HIBCH: variants seen among roughly 807,000 people sequenced by gnomAD.
HIBCH encodes 3-hydroxyisobutyryl-CoA hydrolase.
A neutral mutation model predicts 58.2 loss-of-function variants in HIBCH; 50 were observed. The ratio of observed to expected loss-of-function variants is 0.86; its 90% CI spans 0.68 to 1.09. The LOEUF (loss-of-function observed/expected upper bound fraction) is 1.09, where lower values mean the gene tolerates loss of function less well. Ranked by LOEUF, HIBCH falls within the 50% of genes least tolerant of loss-of-function variation. The pLI, the probability that HIBCH is intolerant of heterozygous loss-of-function variation, is 0.00. For missense variants in HIBCH, 450 were observed against 449.7 expected (o/e 1.00, Z -0.01); for synonymous variants, 151 against 146.9 (o/e 1.03, Z -0.20).
intron 11 of HIBCH, among the ~76,000 whole-genome samples, chr2:190,240,030 G>C (rs962559370): frequency 6.6e-6 from 1 of 152,156 alleles, no homozygotes; most frequent in African/African-American, 2.4e-5. Flanking sequence ...AGTTAGGGAG[G>C]AGTCCCTCTT....
chr2:190,213,993 C>A (rs778727094), intron 11 of HIBCH: 1 of 152,182 alleles, frequency 6.6e-6, no homozygotes, highest in African/African-American at 2.4e-5. Context: ...TGGGTTTGGA[C>A]GGGTGAATTG....
rs1478715938 is a variant in HIBCH, at chr2:190,249,797, C to T, written c.664-71G>A. ...AACATAGAAAGCTTTATAAAAATCT[C>T]ATCTTCTTTTTTAGAATTCTTGACT... On this transcript the variant is annotated intron_variant, in intron 8 of 13. Transcript: ENST00000359678. 85 of 982,732 alleles carry T rather than the reference C, an allele frequency of 8.6e-5. 1 individual carries two copies. Among genetic ancestry groups the T allele is most frequent in the Non-Finnish European group, 1.1e-5 (7 of 628,840 alleles). 60.9% of individuals were successfully genotyped at this position (982,732 alleles called of 1,614,324 possible).
chr2:190,277,372 T>C (rs1217225462), intron 6 of HIBCH, among the ~76,000 whole-genome samples: 1 of 152,188 alleles, frequency 6.6e-6, no homozygotes. Context: ...TAAAACCTTC[T>C]ATAACAAAAA....
At chr2:190,305,904 T>A (rs755904539) in intron 2 of HIBCH, among the ~76,000 whole-genome samples, 1 of 152,112 alleles carries the variant, frequency 6.6e-6, no homozygotes, top group Non-Finnish European at 1.5e-5. Context: ...CAACCACAGG[T>A]AAAATGGTGA....
intron 4 of HIBCH, among the ~76,000 whole-genome samples, chr2:190,294,068 T>C (rs934557863): frequency 8.0e-5 from 11 of 137,686 alleles, no homozygotes; most frequent in Non-Finnish European, 1.4e-4. Context: ...ACAGGATAAA[T>C]GCTATAAATA....
chr2:190,301,763 T>A (rs557417585), intron 2 of HIBCH, among the ~76,000 whole-genome samples: 1 of 152,324 alleles, frequency 6.6e-6, no homozygotes, highest in South Asian at 2.1e-4. Flanking sequence ...AAGTTCGAGA[T>A]TCAGTGCCTG....
chr2:190,314,917 T>C (rs544064891), intron 1 of HIBCH, among the ~76,000 whole-genome samples: 122 of 152,146 alleles, frequency 8.0e-4, no homozygotes, highest in Non-Finnish European at 1.5e-3. Flanking sequence ...AAAACTGCCA[T>C]CTGGTGGAGA....
intron 11 of HIBCH, among the ~76,000 whole-genome samples, chr2:190,230,232 A>C (rs1478717977): frequency 6.6e-6 from 1 of 152,156 alleles, no homozygotes; most frequent in Non-Finnish European, 1.5e-5. Flanking sequence ...ACCAATAAAG[A>C]GCCTGAAAAT....
chr2:190,315,152 T>A lies in HIBCH; in HGVS notation c.36-4356A>T, dbSNP rs1197514228. ...TTAGTAGAAACGGGGTTTCACCATG[T>A]TAGCCAGCATGGTCATGATCTCCTG... On this transcript the variant is annotated intron_variant, in intron 1 of 13. Coordinates refer to ENST00000359678, the MANE Select transcript of HIBCH (RefSeq NM_014362.4). The surrounding 1 kb of genome is among the most constrained non-coding windows in gnomAD (Gnocchi z 5.4). 2.0e-5 allele frequency among the ~76,000 whole-genome samples: 3 copies of A among 152,104 alleles called. No homozygotes were observed. Among genetic ancestry groups the A allele is most frequent in the Non-Finnish European group, 1.5e-5 (1 of 68,020 alleles).
chr2:190,208,848 C>T lies in HIBCH; in HGVS notation c.1045+32G>A. On this transcript the variant is annotated intron_variant, in intron 13 of 13. Coordinates refer to ENST00000359678, the MANE Select transcript of HIBCH (RefSeq NM_014362.4). ...AGCATATGCTCACAAATCCCATTTC[C>T]CCAAAATGGTAAGTTCCCATTTGCC... The T allele has an allele frequency of 1.9e-6, 3 of 1,597,378 alleles. No homozygotes were observed. In the East Asian group the frequency reaches 6.7e-5, roughly 36 times the overall value.
chr2:190,227,037 C>G lies in HIBCH; in HGVS notation c.892-13962G>C, dbSNP rs1402596093. On this transcript the variant is annotated intron_variant, in intron 11 of 13. Coordinates refer to ENST00000359678, the MANE Select transcript of HIBCH (RefSeq NM_014362.4). Reference sequence around the variant, plus strand: ...TTTATAGATTCAATGCCATCCCCATCAAGCTACCAATGACTTTCTTCACAG... The same window carrying G: ...TTTATAGATTCAATGCCATCCCCATGAAGCTACCAATGACTTTCTTCACAG... Among the ~76,000 whole-genome samples the G allele has an allele frequency of 3.3e-5, 5 of 152,302 alleles. 1 individual carries two copies. Among genetic ancestry groups the G allele is most frequent in the South Asian group, 2.1e-4 (1 of 4,830 alleles).
At chr2:190,307,583 C>T (rs1559064985) in intron 2 of HIBCH, among the ~76,000 whole-genome samples, 1 of 152,084 alleles carries the variant, frequency 6.6e-6, no homozygotes, top group African/African-American at 2.4e-5. Flanking sequence ...GCAGGAGGAT[C>T]ACCTGAGCCT....
chr2:190,221,566 G>A (rs1263025905), intron 11 of HIBCH, among the ~76,000 whole-genome samples: 3 of 152,194 alleles, frequency 2.0e-5, no homozygotes, highest in Admixed American at 1.3e-4. Context: ...ATTCCGGGAA[G>A]AGGGTGGGTC....
intron 6 of HIBCH, among the ~76,000 whole-genome samples, chr2:190,278,456 G>A (rs974411430): frequency 3.3e-5 from 5 of 152,154 alleles, no homozygotes; most frequent in African/African-American, 1.2e-4. Context: ...CGCCAGCCTA[G>A]GCCTCCCAAA....
At chr2:190,276,815 A>G (rs1687565143) in intron 6 of HIBCH, among the ~76,000 whole-genome samples, 1 of 152,194 alleles carries the variant, frequency 6.6e-6, no homozygotes, top group African/African-American at 2.4e-5. Flanking sequence ...AAAAATCTGT[A>G]GATGGCACCC....
chr2:190,245,989 C>CAAAAAA (rs527873173), intron 10 of HIBCH, among the ~76,000 whole-genome samples, 165 bp downstream of exon 10: 1 of 60,270 alleles, frequency 1.7e-5, no homozygotes. Flanking sequence ...GACTCTGTCT[C>CAAAAAA]AAAAAAAAAA....
intron 6 of HIBCH, among the ~76,000 whole-genome samples, chr2:190,273,111 G>A (rs899801564): frequency 1.3e-5 from 2 of 152,152 alleles, no homozygotes; most frequent in Admixed American, 6.5e-5. Flanking sequence ...GCAATCCTAC[G>A]GCCAGGCGCA....
intron 13 of HIBCH, among the ~76,000 whole-genome samples, chr2:190,205,627 T>TCTAA (rs1221902207): frequency 2.0e-5 from 3 of 152,160 alleles, no homozygotes; most frequent in African/African-American, 7.2e-5. Context: ...AGATGTGCCT[T>TCTAA]CTAACCTCCT....
intron 2 of HIBCH, among the ~76,000 whole-genome samples, chr2:190,309,197 A>G (rs1208373126): frequency 6.6e-6 from 1 of 152,260 alleles, no homozygotes; most frequent in Non-Finnish European, 1.5e-5. Flanking sequence ...AAGAGCTTCA[A>G]GTACATCCAG....
Sources: gnomAD v4.1 joint callset for allele counts (sites outside exome capture counted in the v4.1 genomes callset) on GRCh38, gnomAD v4.1.1 for gene constraint, Gnocchi (gnomAD v3.1) non-coding constraint, MANE v1.5 for transcripts, NCBI Gene and HGNC (gene_info 2026-07-23, HGNC 2026-07-21) for gene names.